KIF20B: variants seen among roughly 807,000 people sequenced by gnomAD.
The protein encoded by KIF20B is kinesin-like protein KIF20B.
A neutral mutation model predicts 232.5 loss-of-function variants in KIF20B; 188 were observed. The ratio of observed to expected loss-of-function variants is 0.81; its 90% confidence interval spans 0.72 to 0.91. The LOEUF is 0.91. Ranked by LOEUF, KIF20B falls within the 40% of genes least tolerant of loss-of-function variation. KIF20B has a pLI of 0.00. For synonymous variants in KIF20B, 712 were observed against 683.0 expected (o/e 1.04, Z -0.66); for missense variants, 2,154 against 2,055.9 (o/e 1.05, Z -0.92).
intron 19 of KIF20B, among the ~76,000 whole-genome samples, chr10:89,734,495 T>G (rs1305730566): frequency 6.6e-6 from 1 of 152,164 alleles, no homozygotes; most frequent in Non-Finnish European, 1.5e-5. Context: ...TTCTCCACAT[T>G]ATGGTAGTAC....
At chr10:89,703,776 C>T (rs1407307230) in intron 1 of KIF20B, among the ~76,000 whole-genome samples, 6 of 144,818 alleles carry the variant, frequency 4.1e-5, no homozygotes, top group South Asian at 2.1e-4. Flanking sequence ...TTTTTTTTGA[C>T]GCAGTCTTGC....
intron 5 of KIF20B, among the ~76,000 whole-genome samples, 177 bp downstream of exon 5, chr10:89,710,242 G>A (rs1266849462): frequency 6.7e-6 from 1 of 149,820 alleles, no homozygotes; most frequent in African/African-American, 2.5e-5. Context: ...GCGGGGGAGG[G>A]ACAGAGTCTC....
At chr10:89,754,480 A>C in intron 25 of KIF20B, 38 bp from the exon 26 acceptor site, 1 of 1,364,590 alleles carries the variant, frequency 7.3e-7, no homozygotes, top group Non-Finnish European at 9.8e-7. Context: ...ACTACTTTGT[A>C]GGCATGCGAT....
At chr10:89,710,195 G>T in intron 5 of KIF20B, 130 bp downstream of exon 5, 3 of 725,794 alleles carry the variant, frequency 4.1e-6, no homozygotes, top group Non-Finnish European at 4.2e-6. Flanking sequence ...AATAGTACTA[G>T]CATATTATTA....
In KIF20B at chr10:89,755,829, A is replaced by G. The variant is rs951364393; in HGVS notation, c.4503+1156A>G. 3.3e-5 allele frequency among the ~76,000 whole-genome samples: 5 copies of G among 152,142 alleles called. No homozygotes were observed. The East Asian group carries it at 9.6e-4, about 29-fold the overall frequency. ...GGCTGGTCTCAAACTCCTGGTCTCAAGCAGTCCTCCTGCCTCAGCTTCCCC... is the reference window on the plus strand; with the variant it reads ...GGCTGGTCTCAAACTCCTGGTCTCAGGCAGTCCTCCTGCCTCAGCTTCCCC... On this transcript the variant is annotated intron_variant, in intron 26 of 32. Transcript: ENST00000371728.
intron 9 of KIF20B, among the ~76,000 whole-genome samples, chr10:89,717,049 G>C (rs1024417415): frequency 6.6e-6 from 1 of 152,088 alleles, no homozygotes; most frequent in Non-Finnish European, 1.5e-5. Flanking sequence ...TACAAGATCC[G>C]GATCTATAGG....
chr10:89,760,819 A>C (rs1842224416), intron 28 of KIF20B, among the ~76,000 whole-genome samples, 183 bp downstream of exon 28: 1 of 152,198 alleles, frequency 6.6e-6, no homozygotes, highest in African/African-American at 2.4e-5. Context: ...TATATGCCCA[A>C]ATGATGTTAA....
At chr10:89,766,934 CGAA>C (rs1255721450) in intron 29 of KIF20B, among the ~76,000 whole-genome samples, 3 of 150,740 alleles carry the variant, frequency 2.0e-5, no homozygotes, top group Non-Finnish European at 4.4e-5. Context: ...TTTTTTTCAA[CGAA>C]GAAGGAAACA....
chr10:89,717,521 A>G (rs1564659566), intron 10 of KIF20B, 26 bp downstream of exon 10: 2 of 1,580,512 alleles, frequency 1.3e-6, no homozygotes, highest in Non-Finnish European at 1.7e-6. Context: ...TTTAAATTTA[A>G]TTATTTGTAA....
rs1451939041 is a variant in KIF20B at position 89,726,331 on chromosome 10, T to G, written c.2040T>G (p.Asp680Glu). Reference protein sequence around the residue: ...HNYVGFEDIIDSLQDNVADIK... With the variant: ...HNYVGFEDIIESLQDNVADIK... ...ATGTAGGATTTGAAGATATTATTGA[T>G]TCTCTTCAAGATAATGTTGCTGATA... Residue 680 changes from aspartate (D) to glutamate (E), a missense_variant, in exon 16 of 33, where the codon GAT becomes GAG. Physicochemically the swap from Asp to Glu is conservative, Grantham distance 45 (BLOSUM62 2). Coordinates refer to ENST00000371728, the MANE Select transcript of KIF20B (RefSeq NM_001284259.2). 1 of 1,550,538 alleles carries G rather than the reference T, an allele frequency of 6.4e-7. No homozygotes were observed. The highest frequency in any genetic ancestry group is 8.7e-7 in the Non-Finnish European group (1 of 1,146,640).
intron 26 of KIF20B, among the ~76,000 whole-genome samples, chr10:89,757,069 T>TACACAC (rs1554852937): frequency 1.7e-4 from 23 of 134,376 alleles, no homozygotes; most frequent in African/African-American, 5.2e-4. Context: ...TATATATATA[T>TACACAC]ACACACATGA....
chr10:89,711,309 G>A (rs541812037), intron 6 of KIF20B, among the ~76,000 whole-genome samples, 164 bp downstream of exon 6: 58 of 152,200 alleles, frequency 3.8e-4, no homozygotes, highest in African/African-American at 1.4e-3. Flanking sequence ...GACATCTTTT[G>A]TATTTATATT....
intron 13 of KIF20B, among the ~76,000 whole-genome samples, chr10:89,722,104 A>G (rs1843071697): frequency 6.6e-6 from 1 of 152,040 alleles, no homozygotes; most frequent in African/African-American, 2.4e-5. Flanking sequence ...TGTAGACATG[A>G]GGCCTTGCTC....
At chr10:89,759,794 C>T (rs1174974867) in intron 27 of KIF20B, among the ~76,000 whole-genome samples, 1 of 152,046 alleles carries the variant, frequency 6.6e-6, no homozygotes, top group East Asian at 1.9e-4. Flanking sequence ...TAGTTACTTT[C>T]CCTTTTATGA....
chr10:89,758,292 C>T (rs1032518551), intron 26 of KIF20B, among the ~76,000 whole-genome samples: 8 of 151,952 alleles, frequency 5.3e-5, no homozygotes, highest in Non-Finnish European at 1.0e-4. Context: ...TGGTTTTATA[C>T]ATTTTCTTTA....
chr10:89,746,324 G>A (rs1362010002), intron 23 of KIF20B, among the ~76,000 whole-genome samples: 3 of 152,186 alleles, frequency 2.0e-5, no homozygotes, highest in Non-Finnish European at 4.4e-5. Flanking sequence ...ACATGGGCGT[G>A]TAGAAGGTTT....
intron 28 of KIF20B, among the ~76,000 whole-genome samples, 154 bp from the exon 29 acceptor site, chr10:89,762,484 T>C (rs1040113029): frequency 2.0e-5 from 3 of 152,210 alleles, no homozygotes; most frequent in African/African-American, 7.2e-5. Context: ...AGAAAGTAGA[T>C]GATTGCTCAA....
In KIF20B at chr10:89,772,813, T is replaced by G; in HGVS notation, c.5367T>G (p.Ile1789Met). 6.2e-7 allele frequency: 1 copy of G among 1,609,138 alleles called. No homozygotes were observed. The highest frequency in any genetic ancestry group is 8.5e-7 in the Non-Finnish European group (1 of 1,177,720). ...ACACAAGTGAAATTTCATCTCCTAT[T>G]GATATATCAGGCCAAGTGGTAAGCT... Reference protein sequence around the residue: ...KLYTSEISSPIDISGQVILMD... With the variant: ...KLYTSEISSPMDISGQVILMD... Residue 1789 changes from isoleucine (I) to methionine (M), a missense_variant, in exon 32 of 33, where the codon ATT becomes ATG. Ile to Met is a conservative substitution (Grantham distance 10). Coordinates refer to ENST00000371728, the MANE Select transcript of KIF20B (RefSeq NM_001284259.2).
In KIF20B at chr10:89,709,381, C is replaced by G. The variant is rs758962805; in HGVS notation, c.271C>G (p.Leu91Val). 6.2e-7 allele frequency: 1 copy of G among 1,613,394 alleles called. No homozygotes were observed. The highest frequency in any genetic ancestry group is 8.5e-7 in the Non-Finnish European group (1 of 1,179,618). The part of the protein sequence containing the change: ...VHILDSQTVV[L>V]KEPQCILGRL... ...TATTCTGGATTCACAGACTGTTGTG[C>G]TGAAAGAGCCTCAATGCATCCTTGG... The change falls in exon 4 of 33, where the codon CTG becomes GTG. Residue 91 changes from leucine (L) to valine (V), a missense_variant. Transcript: ENST00000371728.
Sources: allele counts gnomAD v4.1 joint callset (sites outside exome capture counted in the v4.1 genomes callset), GRCh38; gene constraint gnomAD v4.1.1; transcripts MANE v1.5; gene names NCBI Gene and HGNC (gene_info 2026-07-23, HGNC 2026-07-21).